Variants in GLRX3 observed in about 807,000 individuals in gnomAD.
The protein encoded by GLRX3 is glutaredoxin 3.
Under a neutral mutation model 49.5 loss-of-function variants are expected in GLRX3, and 22 were observed. The ratio of observed to expected loss-of-function variants is 0.44; its 90% CI spans 0.32 to 0.63. The LOEUF is 0.63. Ranked by LOEUF, GLRX3 falls within the 30% of genes least tolerant of loss-of-function variation. The pLI is 0.05. For synonymous variants in GLRX3, 133 were observed against 140.0 expected (o/e 0.95, Z 0.35); for missense variants, 385 against 396.3 (o/e 0.97, Z 0.24).
At chr10:130,176,784 CTCTCTCTCTATA>C (rs1862931373) in intron 10 of GLRX3, among the ~76,000 whole-genome samples, 1 of 134,412 alleles carries the variant, frequency 7.4e-6, no homozygotes, top group Non-Finnish European at 1.6e-5. Context: ...TTCTCTCTCT[CTCTCTCTCTATA>C]TATATATATA....
Position 130,166,680 on chromosome 10 carries a change from G to C in GLRX3, c.651+1G>C. 4 of 1,586,422 alleles carry C rather than the reference G, an allele frequency of 2.5e-6. No homozygotes were observed. The highest frequency in any genetic ancestry group is 3.5e-6 in the Non-Finnish European group (4 of 1,156,414). The stretch of plus-strand genomic sequence containing the variant: ...CATAGGAGGACTTGATATAATTAAG[G>C]TTAGAATTGAGAAGTCTGTGCTTTG... On this transcript the variant is annotated splice_donor_variant, in intron 5 of 10. Coordinates refer to ENST00000331244, the MANE Select transcript of GLRX3 (RefSeq NM_006541.5). LOFTEE classifies it high-confidence loss of function.
At chr10:130,154,322 C>T (rs992172566) in intron 2 of GLRX3, among the ~76,000 whole-genome samples, 14 of 152,172 alleles carry the variant, frequency 9.2e-5, no homozygotes, top group Admixed American at 5.2e-4. Context: ...TACTTTGGCT[C>T]GCCCTCCATG....
rs1427393955 is a variant in GLRX3, at chr10:130,145,277, G to A, written c.159G>A (p.Met53Ile). 11 of 1,568,880 alleles carry A rather than the reference G, an allele frequency of 7.0e-6. No individual in the cohort carries two copies. Among genetic ancestry groups the A allele is most frequent in the Non-Finnish European group, 7.9e-6 (9 of 1,139,576 alleles). The stretch of plus-strand genomic sequence containing the variant: ...AGTGTGCACAGATGAACGAAGTTAT[G>A]GCAGAGTTAGCTAAAGAACTCCCTC... ...APQCAQMNEV[M>I]AELAKELPQV... is the part of the protein sequence containing the mutation. Residue 53 changes from methionine (M) to isoleucine (I), a missense_variant, in exon 2 of 11, where the codon ATG (methionine) becomes ATA (isoleucine). This residue lies in a region of GLRX3 where 374 missense variants were observed against 358.6 expected (regional missense o/e 1.04). Coordinates refer to ENST00000331244, the MANE Select transcript of GLRX3 (RefSeq NM_006541.5).
intron 2 of GLRX3, among the ~76,000 whole-genome samples, chr10:130,154,564 A>G (rs1450934761): frequency 1.4e-5 from 2 of 145,630 alleles, no homozygotes; most frequent in African/African-American, 2.5e-5. Flanking sequence ...TTGAAATACT[A>G]TTTTTTTTTT....
At chr10:130,168,452 TA>T (rs1201592090) in intron 6 of GLRX3, among the ~76,000 whole-genome samples, 1 of 152,162 alleles carries the variant, frequency 6.6e-6, no homozygotes. Context: ...TATTTATTAT[TA>T]TTTTTTTTTG....
chr10:130,157,176 A>G (rs4083551), intron 2 of GLRX3, among the ~76,000 whole-genome samples: 40,573 of 151,942 alleles, frequency 0.27, 5,437 homozygotes, highest in South Asian at 0.35. Context: ...TGCCCTCCAC[A>G]TGCTGGAGAA....
At chr10:130,170,390 A>C (rs529955153) in intron 7 of GLRX3, among the ~76,000 whole-genome samples, 21 of 152,362 alleles carry the variant, frequency 1.4e-4, no homozygotes, top group African/African-American at 4.8e-4. Context: ...TGGTTGCCAT[A>C]ACTAGTGTAT....
At chr10:130,149,261 G>T (rs1862325651) in intron 2 of GLRX3, among the ~76,000 whole-genome samples, 1 of 152,008 alleles carries the variant, frequency 6.6e-6, no homozygotes, top group Non-Finnish European at 1.5e-5. Context: ...GAGTAACATG[G>T]TGAAACCCTG....
chr10:130,164,087 G>A (rs962538433), intron 4 of GLRX3, among the ~76,000 whole-genome samples: 1 of 152,140 alleles, frequency 6.6e-6, no homozygotes, highest in Non-Finnish European at 1.5e-5. Flanking sequence ...GAGCCCCACT[G>A]GACTCAGCCT....
intron 1 of GLRX3, among the ~76,000 whole-genome samples, chr10:130,139,822 A>C (rs1312641922): frequency 6.6e-6 from 1 of 152,080 alleles, no homozygotes; most frequent in East Asian, 1.9e-4. Flanking sequence ...CCAGCTACTC[A>C]GGAGGCTGAG....
At chr10:130,166,374 T>C in intron 4 of GLRX3, 133 bp from the exon 5 acceptor site, 1 of 615,530 alleles carries the variant, frequency 1.6e-6, no homozygotes, top group South Asian at 2.3e-5. Flanking sequence ...TCAGCCATGC[T>C]AATTAAATCA....
intron 5 of GLRX3, 110 bp downstream of exon 5, chr10:130,166,789 A>T (rs1862699940): frequency 1.1e-6 from 1 of 940,432 alleles, no homozygotes; most frequent in African/African-American, 1.7e-5. Flanking sequence ...ATATTTACTA[A>T]TAAGAACCTG....
chr10:130,149,845 T>G (rs2134883471), intron 2 of GLRX3, among the ~76,000 whole-genome samples: 1 of 150,778 alleles, frequency 6.6e-6, no homozygotes, highest in Non-Finnish European at 1.5e-5. Context: ...TTTGTCTATA[T>G]TGTCATTTAA....
intron 1 of GLRX3, among the ~76,000 whole-genome samples, chr10:130,139,684 C>T (rs963675180): frequency 4.6e-5 from 7 of 151,494 alleles, no homozygotes; most frequent in Non-Finnish European, 8.8e-5. Flanking sequence ...GTGGCTTACA[C>T]CAGCAAACCC....
intron 2 of GLRX3, among the ~76,000 whole-genome samples, chr10:130,146,865 T>C (rs1862279295): frequency 6.6e-6 from 1 of 152,168 alleles, no homozygotes; most frequent in Admixed American, 6.5e-5. Context: ...GTATAGTAGG[T>C]GATAAAATTT....
At chr10:130,150,406 C>G (rs143385545) in intron 2 of GLRX3, among the ~76,000 whole-genome samples, 25 of 152,242 alleles carry the variant, frequency 1.6e-4, no homozygotes, top group Non-Finnish European at 2.9e-4. Context: ...TCAGTGCAAA[C>G]ATTCTCAAAG....
intron 2 of GLRX3, 118 bp from the exon 3 acceptor site, chr10:130,159,877 C>T: frequency 7.5e-7 from 1 of 1,339,532 alleles, no homozygotes; most frequent in Admixed American, 2.2e-5. Context: ...ACTTTTGTAC[C>T]ATGCTCTTTA....
intron 2 of GLRX3, among the ~76,000 whole-genome samples, chr10:130,155,409 A>G (rs1324051647): frequency 2.0e-4 from 31 of 152,238 alleles, no homozygotes; most frequent in Admixed American, 2.0e-3. Flanking sequence ...GGTGCAGAAT[A>G]GAAGCAGGTA....
At chr10:130,161,186 A>G (rs1262570923) in intron 4 of GLRX3, among the ~76,000 whole-genome samples, 189 bp downstream of exon 4, 2 of 152,164 alleles carry the variant, frequency 1.3e-5, no homozygotes, top group Non-Finnish European at 2.9e-5. Flanking sequence ...TGCATTATGG[A>G]CTCAGCATGT....
Sources: allele counts gnomAD v4.1 joint callset (sites outside exome capture counted in the v4.1 genomes callset), GRCh38; gene constraint gnomAD v4.1.1; regional missense constraint gnomAD v4.1.1; transcripts MANE v1.5; gene names NCBI Gene and HGNC (gene_info 2026-07-23, HGNC 2026-07-21).